The following CAMTA1 variants were observed in gnomAD, a reference collection of about 807,000 sequenced individuals.
CAMTA1 encodes the protein calmodulin binding transcription activator 1.
CAMTA1 carries 27 observed loss-of-function variants against 170.9 expected under a neutral mutation model. The observed-to-expected ratio is 0.16, with a 90% confidence interval of 0.12 to 0.22. The LOEUF (loss-of-function observed/expected upper bound fraction) is 0.22. CAMTA1 is among the 10% of genes least tolerant of loss of function. The probability of loss-of-function intolerance (pLI) is 1.00; values close to 1 mark genes in which losing one functional copy is unlikely to be tolerated. For missense variants in CAMTA1, 1,619 were observed against 2,217.2 expected (o/e 0.73, Z 5.42); for synonymous variants, 833 against 891.5 (o/e 0.93, Z 1.17).
At position 7,665,738 on chromosome 1, in the gene CAMTA1, G is replaced by A. The variant is rs2095995550; in HGVS notation, c.2652+539G>A. Among the ~76,000 whole-genome samples the A allele has an allele frequency of 6.6e-6, 1 of 152,020 alleles. No individual in the cohort carries two copies. Among genetic ancestry groups the A allele is most frequent in the Non-Finnish European group, 1.5e-5 (1 of 68,000 alleles). ...TCAAAAAAAAAGAGAGAAAGTCAGG[G>A]TATCCTTGGAAGCAAAATGCTCCCC... On this transcript the variant is annotated intron_variant, in intron 9 of 22. Transcript: ENST00000303635. The surrounding 1 kb of genome is among the most constrained non-coding windows in gnomAD (Gnocchi z 4.3).
intron 4 of CAMTA1, among the ~76,000 whole-genome samples, chr1:7,116,212 C>T (rs1272827785): frequency 6.6e-6 from 1 of 152,160 alleles, no homozygotes; most frequent in Admixed American, 6.5e-5. Context: ...AGTTCTTCAC[C>T]ACTGACTCAG....
At chr1:6,903,162 A>G (rs1677505597) in intron 3 of CAMTA1, among the ~76,000 whole-genome samples, 1 of 152,232 alleles carries the variant, frequency 6.6e-6, no homozygotes, top group Non-Finnish European at 1.5e-5. Flanking sequence ...GAACAGAAGG[A>G]CATACCCTAT....
intron 1 of CAMTA1, among the ~76,000 whole-genome samples, chr1:6,809,893 C>T (rs899252241): frequency 4.6e-5 from 7 of 151,698 alleles, no homozygotes; most frequent in African/African-American, 1.5e-4. Context: ...TTTGTCAATT[C>T]GATAATGAGA....
chr1:7,264,549 C>T (rs868218449), intron 5 of CAMTA1, among the ~76,000 whole-genome samples: 9 of 151,766 alleles, frequency 5.9e-5, no homozygotes, highest in Admixed American at 3.9e-4. Context: ...TATTCAAAAC[C>T]ACAAACACTA....
chr1:6,817,617 A>G (rs1645984521), intron 1 of CAMTA1, among the ~76,000 whole-genome samples: 1 of 152,208 alleles, frequency 6.6e-6, no homozygotes, highest in African/African-American at 2.4e-5. Context: ...CTGTTACCAC[A>G]GATGTTATCA....
Position 7,675,447 on chromosome 1 carries a change from G to C in CAMTA1, c.2780-2152G>C, listed in dbSNP as rs188080481. On this transcript the variant is annotated intron_variant, in intron 10 of 22. Coordinates refer to ENST00000303635, the MANE Select transcript of CAMTA1 (RefSeq NM_015215.4). ...TTTAAAGATGATTCTGGGTGTGTGG[G>C]AAAGATGATTCTAGGTTGTAGGGAG... 5.0e-4 allele frequency among the ~76,000 whole-genome samples: 76 copies of C among 152,286 alleles called. No homozygotes were observed. In the East Asian group the frequency reaches 0.014, roughly 28 times the overall value.
intron 5 of CAMTA1, 52 bp from the exon 6 acceptor site, chr1:7,467,778 C>G: frequency 4.4e-4 from 544 of 1,240,738 alleles, no homozygotes; most frequent in Non-Finnish European, 6.0e-4. Context: ...GTCTTCCTTC[C>G]TTCCTTCCTT....
intron 11 of CAMTA1, among the ~76,000 whole-genome samples, chr1:7,701,474 G>A (rs750485019): frequency 7.9e-5 from 12 of 151,868 alleles, no homozygotes; most frequent in African/African-American, 1.2e-4. Context: ...GGAATGCAGT[G>A]GTGTGATCAT....
rs2096185313 is a variant in CAMTA1 at position 7,680,709 on chromosome 1, G to A, written c.2914+2976G>A. On this transcript the variant is annotated intron_variant, in intron 11 of 22. Coordinates refer to ENST00000303635, the MANE Select transcript of CAMTA1 (RefSeq NM_015215.4). This position sits in a 1 kb window ranked among gnomAD's most constrained non-coding sequence, Gnocchi z 4.4. ...CTGCTGCATGTGGGATGCGCCCTTT[G>A]TCCCCTCTGCCATGCGCGGGGGAAA... Among the ~76,000 whole-genome samples, 1 of 151,946 alleles carries A rather than the reference G, an allele frequency of 6.6e-6. No individual in the cohort carries two copies. The highest frequency in any genetic ancestry group is 1.5e-5 in the Non-Finnish European group (1 of 67,950).
intron 3 of CAMTA1, among the ~76,000 whole-genome samples, chr1:6,917,438 C>G (rs1346737508): frequency 1.3e-5 from 2 of 151,760 alleles, no homozygotes; most frequent in African/African-American, 2.4e-5. Flanking sequence ...CAAGAACTTG[C>G]AATTATTAAC....
intron 5 of CAMTA1, among the ~76,000 whole-genome samples, chr1:7,271,250 G>C (rs1233469979): frequency 6.6e-6 from 1 of 152,176 alleles, no homozygotes; most frequent in Non-Finnish European, 1.5e-5. Flanking sequence ...GAAAGGCCAT[G>C]TGAGGATGTA....
intron 5 of CAMTA1, among the ~76,000 whole-genome samples, chr1:7,405,309 TCTCTGATTTCACTATATA>T (rs2090208466): frequency 1.3e-5 from 2 of 152,154 alleles, no homozygotes; most frequent in Non-Finnish European, 2.9e-5. Flanking sequence ...TACTTCTCTC[TCTCTGATTTCACTATATA>T]CACTTAGAAA....
intron 6 of CAMTA1, among the ~76,000 whole-genome samples, chr1:7,498,450 A>G (rs2093880635): frequency 6.8e-6 from 1 of 146,980 alleles, no homozygotes; most frequent in East Asian, 2.1e-4. Context: ...AGTGTGTGTG[A>G]ATGTGCATGA....
chr1:6,889,185 A>G (rs2149124073), intron 3 of CAMTA1, among the ~76,000 whole-genome samples: 1 of 152,398 alleles, frequency 6.6e-6, no homozygotes, highest in Non-Finnish European at 1.5e-5. Flanking sequence ...AAAGCAAAAT[A>G]AAACGAAAAA....
intron 3 of CAMTA1, among the ~76,000 whole-genome samples, chr1:7,028,501 TG>T (rs1557993785): frequency 1.3e-5 from 2 of 152,206 alleles, no homozygotes; most frequent in East Asian, 3.8e-4. Context: ...TCTGAAACTA[TG>T]ATTTGATTTC....
chr1:6,847,414 G>A (rs1054319953), intron 3 of CAMTA1, among the ~76,000 whole-genome samples: 1 of 152,170 alleles, frequency 6.6e-6, no homozygotes, highest in Non-Finnish European at 1.5e-5. Flanking sequence ...GAAGAAGGAA[G>A]TAGTTTGAGT....
chr1:7,465,704 A>G (rs970657722), intron 5 of CAMTA1, among the ~76,000 whole-genome samples: 2 of 152,124 alleles, frequency 1.3e-5, no homozygotes, highest in African/African-American at 4.8e-5. Flanking sequence ...GCTTCAGGGG[A>G]AAGCGGGCCT....
intron 6 of CAMTA1, among the ~76,000 whole-genome samples, chr1:7,501,617 A>ATTT (rs1451410027): frequency 2.3e-5 from 2 of 86,886 alleles, no homozygotes; most frequent in East Asian, 4.6e-4. Context: ...GATAAACAAC[A>ATTT]GTTTTTTTTT....
intron 6 of CAMTA1, among the ~76,000 whole-genome samples, chr1:7,549,908 C>T (rs531902809): frequency 2.0e-5 from 3 of 152,254 alleles, no homozygotes; most frequent in South Asian, 4.2e-4. Flanking sequence ...AGGCTGGCCC[C>T]ATCTCAGAGA....
Sources: allele counts gnomAD v4.1 joint callset (sites outside exome capture counted in the v4.1 genomes callset), GRCh38; gene constraint gnomAD v4.1.1; non-coding constraint Gnocchi (gnomAD v3.1); transcripts MANE v1.5; gene names NCBI Gene and HGNC (gene_info 2026-07-23, HGNC 2026-07-21).